Variants in SORCS1 observed in about 807,000 individuals in gnomAD.
SORCS1 encodes sortilin related VPS10 domain containing receptor 1, also known as VPS10 domain-containing receptor SorCS1.
Under a neutral mutation model 146.1 loss-of-function variants are expected in SORCS1, and 60 were observed. The ratio of observed to expected loss-of-function variants is 0.41; its 90% confidence interval spans 0.33 to 0.51. The LOEUF (loss-of-function observed/expected upper bound fraction) is 0.51, where lower values mean the gene tolerates loss of function less well. Ranked by LOEUF, SORCS1 falls within the 20% of genes least tolerant of loss-of-function variation. The pLI is 0.21. For synonymous variants in SORCS1, 637 were observed against 584.0 expected (o/e 1.09, Z -1.31); for missense variants, 1,352 against 1,487.6 (o/e 0.91, Z 1.50).
intron 1 of SORCS1, among the ~76,000 whole-genome samples, chr10:107,037,314 A>C (rs368120478): frequency 2.0e-5 from 3 of 152,210 alleles, no homozygotes; most frequent in African/African-American, 7.2e-5. Context: ...TGATGGTGAG[A>C]TGCTTCCATG....
intron 1 of SORCS1, among the ~76,000 whole-genome samples, chr10:106,976,377 A>G (rs1289791220): frequency 3.1e-5 from 4 of 129,682 alleles, no homozygotes; most frequent in African/African-American, 5.7e-5. Flanking sequence ...TGTCACCCAG[A>G]CTGGAGTGCA....
At chr10:106,790,660 A>G (rs937724534) in intron 3 of SORCS1, among the ~76,000 whole-genome samples, 3 of 152,170 alleles carry the variant, frequency 2.0e-5, no homozygotes, top group Non-Finnish European at 2.9e-5. Context: ...AGAAAGGTCA[A>G]TTTCTATGTT....
intron 18 of SORCS1, among the ~76,000 whole-genome samples, chr10:106,631,900 T>A (rs1196116113): frequency 6.6e-6 from 1 of 152,154 alleles, no homozygotes; most frequent in African/African-American, 2.4e-5. Context: ...ATGTCTACTG[T>A]CTGTCTTGCT....
rs371233104 is a variant in SORCS1 at position 107,060,792 on chromosome 10, C to T, written c.558+103177G>A. On this transcript the variant is annotated intron_variant, in intron 1 of 25. Transcript: ENST00000263054. The surrounding 1 kb of genome is among the most constrained non-coding windows in gnomAD (Gnocchi z 4.1). The stretch of plus-strand genomic sequence containing the variant: ...TAGCACTTCCTTTATTATCTCATAC[C>T]GTGTCTTTCTTTTCAATGAGATTTT... 3.9e-5 allele frequency among the ~76,000 whole-genome samples: 6 copies of T among 151,972 alleles called. No individual in the cohort carries two copies. The highest frequency in any genetic ancestry group is 7.3e-5 in the African/African-American group (3 of 41,378).
intron 5 of SORCS1, among the ~76,000 whole-genome samples, chr10:106,751,711 T>A (rs1858256485): frequency 6.6e-6 from 1 of 152,224 alleles, no homozygotes; most frequent in Non-Finnish European, 1.5e-5. Context: ...ATACAGAGGT[T>A]ACCTACTATA....
chr10:107,039,925 C>T (rs1398843695), intron 1 of SORCS1, among the ~76,000 whole-genome samples: 3 of 152,096 alleles, frequency 2.0e-5, no homozygotes, highest in East Asian at 1.9e-4. Flanking sequence ...ATCTGGACAA[C>T]ATAGTGAGGC....
At chr10:106,625,701 T>C (rs375437655) in intron 19 of SORCS1, among the ~76,000 whole-genome samples, 10 of 152,314 alleles carry the variant, frequency 6.6e-5, no homozygotes, top group African/African-American at 2.4e-4. Context: ...TGCACATGGC[T>C]CCTATATAAG....
intron 7 of SORCS1, 122 bp from the exon 8 acceptor site, chr10:106,706,756 C>T (rs540289108): frequency 2.9e-5 from 24 of 837,206 alleles, no homozygotes; most frequent in Admixed American, 6.7e-5. Flanking sequence ...ATGTCTATTG[C>T]GGACAAGTGT....
intron 2 of SORCS1, among the ~76,000 whole-genome samples, chr10:106,833,625 G>A (rs1361652408): frequency 6.6e-6 from 1 of 152,100 alleles, no homozygotes; most frequent in Non-Finnish European, 1.5e-5. Context: ...AAAGATTGAG[G>A]CCTGGCACAG....
At chr10:107,016,336 C>T (rs1354994563) in intron 1 of SORCS1, among the ~76,000 whole-genome samples, 1 of 152,132 alleles carries the variant, frequency 6.6e-6, no homozygotes, top group Non-Finnish European at 1.5e-5. Flanking sequence ...AGTTACACTA[C>T]ACACAAAAAT....
chr10:107,105,423 CA>C (rs1443827031), intron 1 of SORCS1, among the ~76,000 whole-genome samples: 2 of 152,172 alleles, frequency 1.3e-5, no homozygotes, highest in African/African-American at 4.8e-5. Flanking sequence ...TGAAGTCCCA[CA>C]ACAGGCCATC....
At chr10:106,861,724 T>C (rs1329419051) in intron 2 of SORCS1, among the ~76,000 whole-genome samples, 3 of 151,954 alleles carry the variant, frequency 2.0e-5, no homozygotes, top group Non-Finnish European at 4.4e-5. Flanking sequence ...ACCCCATCTC[T>C]ACTAAAATAC....
At chr10:107,067,975 A>C (rs1962045707) in intron 1 of SORCS1, among the ~76,000 whole-genome samples, 1 of 152,222 alleles carries the variant, frequency 6.6e-6, no homozygotes, top group Non-Finnish European at 1.5e-5. Flanking sequence ...GAGGAAGAAC[A>C]AAGAAAAATA....
At chr10:106,782,074 C>T (rs185897773) in intron 3 of SORCS1, among the ~76,000 whole-genome samples, 107 of 152,182 alleles carry the variant, frequency 7.0e-4, no homozygotes, top group African/African-American at 2.2e-3. Context: ...AGCACAAAAT[C>T]GCGTCATTCA....
intron 4 of SORCS1, among the ~76,000 whole-genome samples, chr10:106,770,886 T>C (rs140804545): frequency 1.4e-3 from 217 of 152,306 alleles, no homozygotes; most frequent in Non-Finnish European, 2.5e-3. Context: ...GTATAGGAAC[T>C]GCGTTCATGC....
At chr10:107,021,645 C>A (rs1459460920) in intron 1 of SORCS1, among the ~76,000 whole-genome samples, 7 of 150,670 alleles carry the variant, frequency 4.6e-5, no homozygotes, top group Admixed American at 1.3e-4. Flanking sequence ...TCACTAAGAG[C>A]AAGTATGTTA....
At chr10:107,090,591 T>G (rs1040235149) in intron 1 of SORCS1, among the ~76,000 whole-genome samples, 1 of 152,168 alleles carries the variant, frequency 6.6e-6, no homozygotes, top group Non-Finnish European at 1.5e-5. Flanking sequence ...TATGTAAAAT[T>G]TAAAGCTACA....
At chr10:106,640,846 G>A (rs1239816436) in intron 18 of SORCS1, among the ~76,000 whole-genome samples, 2 of 152,192 alleles carry the variant, frequency 1.3e-5, no homozygotes, top group Admixed American at 1.3e-4. Context: ...CTTTCTAAAA[G>A]TCAGGCATGG....
At chr10:106,901,825 C>T (rs887761568) in intron 2 of SORCS1, among the ~76,000 whole-genome samples, 2 of 152,072 alleles carry the variant, frequency 1.3e-5, no homozygotes, top group Admixed American at 6.5e-5. Context: ...GGGTGGATCA[C>T]GAGGTCAGGA....
Sources: allele counts gnomAD v4.1 joint callset (sites outside exome capture counted in the v4.1 genomes callset), GRCh38; gene constraint gnomAD v4.1.1; non-coding constraint Gnocchi (gnomAD v3.1); transcripts MANE v1.5; gene names NCBI Gene and HGNC (gene_info 2026-07-23, HGNC 2026-07-21).